Variants in LPP observed in about 807,000 individuals in gnomAD.
LPP encodes LIM domain containing preferred translocation partner in lipoma.
In LPP, 38 loss-of-function variants were observed where a neutral mutation model predicts 60.4. That is an observed-to-expected ratio of 0.63 (90% CI 0.49 to 0.83). The LOEUF (loss-of-function observed/expected upper bound fraction) is 0.83, where lower values mean the gene tolerates loss of function less well. LPP is among the 40% of genes least tolerant of loss of function. The probability of loss-of-function intolerance (pLI) is 0.00; values close to 1 mark genes in which losing one functional copy is unlikely to be tolerated. For synonymous variants in LPP, 328 were observed against 290.8 expected (o/e 1.13, Z -1.30); for missense variants, 902 against 783.6 (o/e 1.15, Z -1.80).
chr3:188,285,390 T>G (rs1743592121), intron 2 of LPP, among the ~76,000 whole-genome samples: 2 of 152,076 alleles, frequency 1.3e-5, no homozygotes, highest in South Asian at 4.1e-4. Flanking sequence ...TCTTGGATAG[T>G]ATGGTTACTG....
chr3:188,729,135 G>A (rs958597795), intron 8 of LPP, among the ~76,000 whole-genome samples: 9 of 152,186 alleles, frequency 5.9e-5, no homozygotes, highest in Non-Finnish European at 1.0e-4. Flanking sequence ...AGAGAAGAAA[G>A]ATGTTAGATA....
intron 4 of LPP, among the ~76,000 whole-genome samples, chr3:188,454,899 G>A (rs1408813927): frequency 6.6e-6 from 1 of 152,130 alleles, no homozygotes; most frequent in Non-Finnish European, 1.5e-5. Flanking sequence ...GGGACACAAA[G>A]CCATGACTAG....
intron 2 of LPP, among the ~76,000 whole-genome samples, chr3:188,280,553 C>T (rs371199313): frequency 4.6e-5 from 7 of 152,050 alleles, no homozygotes; most frequent in African/African-American, 1.4e-4. Context: ...CAAAAAAGTC[C>T]AGTGCCCATC....
intron 7 of LPP, among the ~76,000 whole-genome samples, chr3:188,691,048 C>T (rs1183652273): frequency 1.3e-5 from 2 of 152,114 alleles, no homozygotes; most frequent in African/African-American, 2.4e-5. Context: ...TCAGTTTAAG[C>T]TACTGTGTCA....
chr3:188,527,829 A>G (rs976303517), intron 6 of LPP, among the ~76,000 whole-genome samples: 1 of 150,064 alleles, frequency 6.7e-6, no homozygotes, highest in African/African-American at 2.5e-5. Flanking sequence ...GCTCACTGCA[A>G]CCTCCGCCTC....
At chr3:188,648,501 TACTGCTGC>T (rs1024625730) in intron 7 of LPP, among the ~76,000 whole-genome samples, 1 of 152,212 alleles carries the variant, frequency 6.6e-6, no homozygotes, top group Admixed American at 6.5e-5. Context: ...TGTTCATGTG[TACTGCTGC>T]ACTCACGTCG....
chr3:188,500,525 G>T (rs1364416855), intron 5 of LPP, among the ~76,000 whole-genome samples: 2 of 152,040 alleles, frequency 1.3e-5, no homozygotes, highest in African/African-American at 4.8e-5. Flanking sequence ...TAGGGATATT[G>T]TTCTGTACTT....
chr3:188,255,849 C>T (rs982054247), intron 2 of LPP, among the ~76,000 whole-genome samples: 2 of 152,060 alleles, frequency 1.3e-5, no homozygotes, highest in Non-Finnish European at 2.9e-5. Flanking sequence ...GTAAAGTAGC[C>T]AAATACCTAC....
intron 3 of LPP, among the ~76,000 whole-genome samples, chr3:188,359,634 G>C (rs1279497057): frequency 6.6e-6 from 1 of 152,144 alleles, no homozygotes; most frequent in Non-Finnish European, 1.5e-5. Flanking sequence ...CTACCCAGTG[G>C]AGTCAGGATT....
intron 2 of LPP, among the ~76,000 whole-genome samples, chr3:188,249,759 T>C (rs1728401399): frequency 6.6e-6 from 1 of 151,152 alleles, no homozygotes. Context: ...GATTCGTCTA[T>C]TGTTAACATT....
chr3:188,632,969 C>A (rs1307627330), intron 7 of LPP, among the ~76,000 whole-genome samples: 2 of 152,144 alleles, frequency 1.3e-5, no homozygotes, highest in Non-Finnish European at 2.9e-5. Context: ...CTTTCCTTGA[C>A]CCAGAGGGAG....
chr3:188,691,141 TCA>T (rs1862038105), intron 7 of LPP, among the ~76,000 whole-genome samples: 1 of 152,214 alleles, frequency 6.6e-6, no homozygotes. Flanking sequence ...TTGTGCCTGC[TCA>T]GTAAATACAA....
At chr3:188,313,731 A>T (rs1329481669) in intron 2 of LPP, among the ~76,000 whole-genome samples, 2 of 152,174 alleles carry the variant, frequency 1.3e-5, no homozygotes, top group East Asian at 1.9e-4. Flanking sequence ...TACATGCTAT[A>T]CATTGTAAAA....
chr3:188,271,943 A>G (rs919262718), intron 2 of LPP, among the ~76,000 whole-genome samples: 1 of 152,132 alleles, frequency 6.6e-6, no homozygotes, highest in Non-Finnish European at 1.5e-5. Flanking sequence ...AGAATGAAGA[A>G]CCAGGGGCAA....
At chr3:188,274,460 T>C (rs773339077) in intron 2 of LPP, among the ~76,000 whole-genome samples, 23 of 152,316 alleles carry the variant, frequency 1.5e-4, no homozygotes, top group Admixed American at 3.3e-4. Context: ...CAGTGCCAGG[T>C]AGCTCTGGCA....
chr3:188,446,254 C>T (rs78356611), intron 4 of LPP, among the ~76,000 whole-genome samples: 1,822 of 152,276 alleles, frequency 0.012, 36 homozygotes, highest in African/African-American at 0.041. Flanking sequence ...TTTTGCCACT[C>T]CAATCTCACA....
At chr3:188,163,975 G>T (rs935535157) in intron 1 of LPP, among the ~76,000 whole-genome samples, 2 of 150,776 alleles carry the variant, frequency 1.3e-5, no homozygotes, top group African/African-American at 4.9e-5. Context: ...AAAGTCTGCT[G>T]AATAAACTAC....
intron 4 of LPP, among the ~76,000 whole-genome samples, chr3:188,408,644 T>G (rs1369991778): frequency 3.9e-5 from 6 of 152,214 alleles, no homozygotes; most frequent in African/African-American, 1.2e-4. Context: ...TTCTACCACT[T>G]TTGTTATTGC....
In LPP at chr3:188,876,150, A is replaced by G. The variant is rs1248327440; in HGVS notation, c.*1671A>G. ...ATTTCTAGTTTTTTTTCTAGTTTTT[A>G]ATTTTAACATCAGAACTGAAATAAA... is the stretch of plus-strand genomic sequence containing the variant. On this transcript the variant is annotated 3_prime_UTR_variant, in exon 12 of 12. Coordinates refer to ENST00000617246, the MANE Select transcript of LPP (RefSeq NM_001375462.1). The G allele has an allele frequency of 5.3e-6, 1 of 188,420 alleles. No homozygotes were observed. The highest frequency in any genetic ancestry group is 1.1e-5 in the Non-Finnish European group (1 of 89,336). 11.7% of individuals were successfully genotyped at this position (188,420 alleles called of 1,614,324 possible). A position where few individuals can be genotyped will look rare whatever the true frequency, so the allele number is the denominator to read the frequency against.
Sources: allele counts gnomAD v4.1 joint callset (sites outside exome capture counted in the v4.1 genomes callset), GRCh38; gene constraint gnomAD v4.1.1; transcripts MANE v1.5; gene names NCBI Gene and HGNC (gene_info 2026-07-23, HGNC 2026-07-21).